The following DAB1 variants were observed in gnomAD, a reference collection of about 807,000 sequenced individuals.
DAB1 encodes the protein disabled homolog 1.
A neutral mutation model predicts 64.6 loss-of-function variants in DAB1; 15 were observed. The observed-to-expected ratio is 0.23, with a 90% CI of 0.16 to 0.36. The LOEUF is 0.36. Among genes scored for constraint, DAB1 ranks in the 10% least tolerant of loss-of-function variants. The probability of loss-of-function intolerance (pLI) is 1.00; values close to 1 mark genes in which losing one functional copy is unlikely to be tolerated. For synonymous variants in DAB1, 235 were observed against 251.9 expected, an observed-to-expected ratio of 0.93 and a Z score of 0.64; for missense variants, 596 against 706.7, an observed-to-expected ratio of 0.84 and a Z score of 1.78.
rs1480913730 is a variant in DAB1 at position 58,474,110 on chromosome 1, G to A, written n.257+31950C>T. On this transcript the variant is annotated intron_variant and non_coding_transcript_variant, in intron 3 of 20. Coordinates refer to the DAB1 transcript ENST00000485760. ...AGCATCAAGCATTCCTGTGGAGTGT[G>A]GATGAAAAAGATGAGGATGCCAGAG... 7.4e-6 allele frequency: 3 copies of A among 407,898 alleles called. No homozygotes were observed. The Middle Eastern group carries it at 1.1e-3, about 148-fold the overall frequency. The allele number at this position is 407,898 out of a possible 1,614,324, so 25.3% of individuals were successfully genotyped here.
chr1:58,060,879 C>T (rs1445297994), intron 5 of DAB1, among the ~76,000 whole-genome samples: 1 of 152,222 alleles, frequency 6.6e-6, no homozygotes, highest in South Asian at 2.1e-4. Flanking sequence ...TCTGGTTCCT[C>T]GGCAGGGGAA....
At chr1:57,055,139 T>A (rs1035530115) in intron 9 of DAB1, among the ~76,000 whole-genome samples, 2 of 152,240 alleles carry the variant, frequency 1.3e-5, no homozygotes, top group Non-Finnish European at 2.9e-5. Context: ...GACATAAAAA[T>A]GTACCTATGT....
intron 1 of DAB1, among the ~76,000 whole-genome samples, chr1:57,308,932 G>C (rs1330028528): frequency 6.6e-6 from 1 of 152,136 alleles, no homozygotes; most frequent in African/African-American, 2.4e-5. Context: ...ATATCAGCTA[G>C]ACCCATAGCC....
chr1:58,488,203 TTTCTC>T (rs1645610463), intron 3 of DAB1, among the ~76,000 whole-genome samples: 1 of 152,226 alleles, frequency 6.6e-6, no homozygotes. Flanking sequence ...TGTTTATAGA[TTTCTC>T]TTTTGCTTTA....
At chr1:57,157,082 GC>G (rs1660293435) in intron 2 of DAB1, among the ~76,000 whole-genome samples, 1 of 152,084 alleles carries the variant, frequency 6.6e-6, no homozygotes, top group Non-Finnish European at 1.5e-5. Context: ...GTCGTAAATG[GC>G]CTCCCACTCC....
intron 4 of DAB1, among the ~76,000 whole-genome samples, chr1:57,091,229 G>A (rs1037145938): frequency 6.6e-6 from 1 of 152,028 alleles, no homozygotes; most frequent in Non-Finnish European, 1.5e-5. Flanking sequence ...ATTAGGGACT[G>A]CTATTCTAAA....
chr1:58,126,456 T>A (rs1489282612), intron 5 of DAB1, among the ~76,000 whole-genome samples: 2 of 44,934 alleles, frequency 4.5e-5, no homozygotes, highest in Non-Finnish European at 6.7e-5. Context: ...TCTTTTTTTC[T>A]TTTTTTTTTT....
chr1:57,122,851 A>T (rs1656785220), intron 4 of DAB1, among the ~76,000 whole-genome samples: 1 of 152,142 alleles, frequency 6.6e-6, no homozygotes, highest in East Asian at 1.9e-4. Flanking sequence ...AAAATAATGC[A>T]CATCATCAAG....
At chr1:58,090,783 A>C (rs1650605589) in intron 5 of DAB1, among the ~76,000 whole-genome samples, 4 of 152,218 alleles carry the variant, frequency 2.6e-5, no homozygotes, top group Non-Finnish European at 4.4e-5. Context: ...ACAGGCAGGC[A>C]GACTAACAAG....
At chr1:57,950,454 T>C (rs759239866) in intron 5 of DAB1, among the ~76,000 whole-genome samples, 5 of 152,202 alleles carry the variant, frequency 3.3e-5, no homozygotes, top group African/African-American at 4.8e-5. Context: ...GCGTTCCTCA[T>C]TTCTCCATGT....
chr1:58,142,415 G>A (rs1487189051), intron 5 of DAB1, among the ~76,000 whole-genome samples: 3 of 152,188 alleles, frequency 2.0e-5, no homozygotes, highest in Non-Finnish European at 2.9e-5. Flanking sequence ...TTCCTGAAAG[G>A]GGACTGAGGG....
At chr1:57,897,468 A>G (rs1644408102) in intron 5 of DAB1, among the ~76,000 whole-genome samples, 1 of 152,192 alleles carries the variant, frequency 6.6e-6, no homozygotes. Flanking sequence ...TTTTCAGTTT[A>G]GCAACACTGA....
At position 58,411,086 on chromosome 1, in the gene DAB1, C is replaced by G. The variant is rs1275438802; in HGVS notation, n.258-67683G>C. On this transcript the variant is annotated intron_variant and non_coding_transcript_variant, in intron 3 of 20. Transcript: ENST00000485760. ...TCTACCACAGTGATATCCCTCAGGC[C>G]TCTGCATGAATAACTCCAGTGATGG... Among the ~76,000 whole-genome samples the G allele has an allele frequency of 3.9e-5, 6 of 152,174 alleles. No individual in the cohort carries two copies. In the East Asian group the frequency reaches 9.6e-4, roughly 24 times the overall value.
At chr1:57,885,177 GAATT>G (rs1323293387), upstream of DAB1, among the ~76,000 whole-genome samples, 2 of 152,138 alleles carry the variant, frequency 1.3e-5, no homozygotes, top group African/African-American at 4.8e-5. Context: ...AATATTAAAT[GAATT>G]ATCATAGCAT....
At chr1:57,779,512 G>A (rs1160381612) in intron 6 of DAB1, among the ~76,000 whole-genome samples, 1 of 152,140 alleles carries the variant, frequency 6.6e-6, no homozygotes, top group Non-Finnish European at 1.5e-5. Context: ...AATAAAATCT[G>A]ATTTCTGGTT....
intron 2 of DAB1, among the ~76,000 whole-genome samples, chr1:57,240,070 G>A (rs1277099996): frequency 6.6e-6 from 1 of 152,146 alleles, no homozygotes; most frequent in African/African-American, 2.4e-5. Context: ...AAGCTTAGAC[G>A]TAATGTCTTT....
intron 2 of DAB1, among the ~76,000 whole-genome samples, chr1:58,518,162 G>T (rs112348056): frequency 0.013 from 1,822 of 141,914 alleles, 30 homozygotes; most frequent in East Asian, 0.099. Flanking sequence ...CTCCAGCCTG[G>T]GCAACAAAAG....
chr1:57,507,988 G>T (rs1644364592), intron 7 of DAB1, among the ~76,000 whole-genome samples: 2 of 152,170 alleles, frequency 1.3e-5, no homozygotes, highest in Admixed American at 1.3e-4. Flanking sequence ...TATCCCCAGA[G>T]ATATGGAATA....
intron 1 of DAB1, among the ~76,000 whole-genome samples, chr1:57,332,961 C>G (rs1676793613): frequency 1.3e-5 from 2 of 152,174 alleles, no homozygotes; most frequent in Non-Finnish European, 2.9e-5. Flanking sequence ...TACTTGCTGT[C>G]TTATCTGTTG....
Sources: allele counts gnomAD v4.1 joint callset (sites outside exome capture counted in the v4.1 genomes callset), GRCh38; gene constraint gnomAD v4.1.1; transcripts MANE v1.5; gene names NCBI Gene and HGNC (gene_info 2026-07-23, HGNC 2026-07-21).